The following ZBTB16 variants were observed in gnomAD, a reference collection of about 807,000 sequenced individuals.
The protein encoded by ZBTB16 is zinc finger and BTB domain containing 16.
ZBTB16 carries 8 observed loss-of-function variants against 56.8 expected under a neutral mutation model. That is an observed-to-expected ratio of 0.14 (90% CI 0.08 to 0.25). The LOEUF is 0.25. Ranked by LOEUF, ZBTB16 falls within the 10% of genes least tolerant of loss-of-function variation. ZBTB16 has a pLI of 1.00. For synonymous variants in ZBTB16, 363 were observed against 368.5 expected (o/e 0.98, Z 0.17); for missense variants, 625 against 903.0 (o/e 0.69, Z 3.95).
chr11:114,176,622 T>G (rs1943120728), intron 3 of ZBTB16, among the ~76,000 whole-genome samples: 2 of 152,232 alleles, frequency 1.3e-5, no homozygotes, highest in South Asian at 2.1e-4. Flanking sequence ...TGTATGCATT[T>G]GAGCTCTCGT....
intron 5 of ZBTB16, 81 bp from the exon 6 acceptor site, chr11:114,247,117 C>T: frequency 1.3e-6 from 2 of 1,594,092 alleles, no homozygotes; most frequent in Admixed American, 1.7e-5. Flanking sequence ...GCATCCTTCT[C>T]ATGCACAGAA....
At chr11:114,215,780 A>AATTTG (rs1260138497) in intron 4 of ZBTB16, among the ~76,000 whole-genome samples, 1 of 152,132 alleles carries the variant, frequency 6.6e-6, no homozygotes, top group Non-Finnish European at 1.5e-5. Flanking sequence ...TTGAAAGTTT[A>AATTTG]ATTTGAATTA....
At chr11:114,088,418 A>G (rs1940044959) in intron 2 of ZBTB16, among the ~76,000 whole-genome samples, 1 of 152,164 alleles carries the variant, frequency 6.6e-6, no homozygotes, top group Admixed American at 6.5e-5. Flanking sequence ...CTAGGATTAC[A>G]GGTGTGAGTC....
chr11:114,123,046 C>T (rs951478353), intron 2 of ZBTB16, among the ~76,000 whole-genome samples: 6 of 152,124 alleles, frequency 3.9e-5, no homozygotes, highest in East Asian at 1.9e-4. Flanking sequence ...TCCTTCTCGC[C>T]GAGTCCTCCC....
rs139812839 is a variant in ZBTB16, at chr11:114,102,099, G to A, written c.1268+37531G>A. On this transcript the variant is annotated intron_variant, in intron 2 of 6. Transcript: ENST00000335953. ...TGCCAGGGATGGCAGTGAACACATC[G>A]ATGGTGGTTGGGACGTCCTCATTCC... 1.9e-4 allele frequency among the ~76,000 whole-genome samples: 29 copies of A among 152,268 alleles called. No individual in the cohort carries two copies. The East Asian group carries it at 3.9e-3, about 20-fold the overall frequency.
At chr11:114,115,543 C>G (rs990789020) in intron 2 of ZBTB16, among the ~76,000 whole-genome samples, 1 of 151,972 alleles carries the variant, frequency 6.6e-6, no homozygotes, top group African/African-American at 2.4e-5. Flanking sequence ...CAGAAGTTCC[C>G]GCGCTGTGCC....
At chr11:114,071,838 G>A (rs1171882048) in intron 2 of ZBTB16, among the ~76,000 whole-genome samples, 2 of 152,130 alleles carry the variant, frequency 1.3e-5, no homozygotes, top group Non-Finnish European at 2.9e-5. Context: ...CCACCCCCAC[G>A]TTTTACAGAT....
intron 4 of ZBTB16, among the ~76,000 whole-genome samples, chr11:114,222,550 G>T (rs1244698033): frequency 2.0e-5 from 3 of 152,124 alleles, no homozygotes; most frequent in Non-Finnish European, 2.9e-5. Flanking sequence ...TGTCACATTT[G>T]CTTGCGAGGA....
At chr11:114,213,519 G>A (rs1467883906) in intron 4 of ZBTB16, among the ~76,000 whole-genome samples, 1 of 152,160 alleles carries the variant, frequency 6.6e-6, no homozygotes, top group Admixed American at 6.5e-5. Flanking sequence ...TCTGCTTCTT[G>A]CTCATGGGAG....
At chr11:114,164,642 C>G (rs901983781) in intron 3 of ZBTB16, among the ~76,000 whole-genome samples, 10 of 152,236 alleles carry the variant, frequency 6.6e-5, no homozygotes, top group African/African-American at 2.4e-4. Context: ...GACACACACC[C>G]TGCCGGAAGC....
At chr11:114,201,077 C>T (rs1288633096) in intron 4 of ZBTB16, among the ~76,000 whole-genome samples, 2 of 152,182 alleles carry the variant, frequency 1.3e-5, no homozygotes, top group Non-Finnish European at 2.9e-5. Context: ...CTTTCTGCTC[C>T]ACCATTGATG....
intron 4 of ZBTB16, chr11:114,209,392 T>TGGAG: frequency 1.0e-6 from 1 of 985,318 alleles, no homozygotes; most frequent in South Asian, 4.7e-5. Context: ...CTGGGATTTG[T>TGGAG]GGAGGGAGGA....
In ZBTB16 at chr11:114,256,476, T is replaced by C. The variant is rs1945018793; in HGVS notation, c.*5921T>C. Reference sequence around the variant, plus strand: ...CAGTCAGAACTCCATCCACCTCTCCTGATACCAGGCCAGGTTCCTTTACTC... The same window carrying C: ...CAGTCAGAACTCCATCCACCTCTCCCGATACCAGGCCAGGTTCCTTTACTC... On this transcript the variant is annotated 3_prime_UTR_variant, in exon 7 of 7. Transcript: ENST00000335953. 6.6e-6 allele frequency among the ~76,000 whole-genome samples: 1 copy of C among 152,206 alleles called. No individual in the cohort carries two copies. Among genetic ancestry groups the C allele is most frequent in the South Asian group, 2.1e-4 (1 of 4,830 alleles).
At chr11:114,128,723 G>A (rs1182315108) in intron 2 of ZBTB16, among the ~76,000 whole-genome samples, 2 of 152,186 alleles carry the variant, frequency 1.3e-5, no homozygotes, top group Non-Finnish European at 2.9e-5. Context: ...GTGTCTGGCT[G>A]TGGGTTCTGG....
chr11:114,150,208 T>C (rs917301979), intron 2 of ZBTB16, among the ~76,000 whole-genome samples: 3 of 152,168 alleles, frequency 2.0e-5, no homozygotes, highest in Admixed American at 6.5e-5. Context: ...ATGTCACCCT[T>C]AGAAGGAAGG....
intron 3 of ZBTB16, among the ~76,000 whole-genome samples, chr11:114,159,937 C>CGTG (rs1555145909): frequency 1.1e-5 from 1 of 93,840 alleles, no homozygotes; most frequent in African/African-American, 6.6e-5. Flanking sequence ...GCGGGGGAGG[C>CGTG]GGGGGGGAGG....
At chr11:114,081,057 A>G in intron 2 of ZBTB16, among the ~76,000 whole-genome samples, 1 of 152,190 alleles carries the variant, frequency 6.6e-6, no homozygotes, top group Non-Finnish European at 1.5e-5. Flanking sequence ...AGCAAGCTAG[A>G]GGCAAAACCA....
chr11:114,076,309 G>T (rs1939561305), intron 2 of ZBTB16, among the ~76,000 whole-genome samples: 1 of 152,206 alleles, frequency 6.6e-6, no homozygotes, highest in African/African-American at 2.4e-5. Flanking sequence ...GACTAGAGTG[G>T]CCAGCGAGTC....
chr11:114,141,101 C>G (rs560217851), intron 2 of ZBTB16, among the ~76,000 whole-genome samples: 1 of 152,328 alleles, frequency 6.6e-6, no homozygotes, highest in East Asian at 1.9e-4. Context: ...CACCTGCCCA[C>G]TGTGGATAAG....
Sources: gnomAD v4.1 joint callset for allele counts (sites outside exome capture counted in the v4.1 genomes callset) on GRCh38, gnomAD v4.1.1 for gene constraint, MANE v1.5 for transcripts, NCBI Gene and HGNC (gene_info 2026-07-23, HGNC 2026-07-21) for gene names.